The following DIAPH2 variants were observed in gnomAD, a reference collection of about 807,000 sequenced individuals.
DIAPH2 encodes the protein diaphanous related formin 2.
DIAPH2 carries 35 observed loss-of-function variants against 92.7 expected under a neutral mutation model. That is an observed-to-expected ratio of 0.38 (90% CI 0.29 to 0.50). The LOEUF (loss-of-function observed/expected upper bound fraction) is 0.50. Among genes scored for constraint, DIAPH2 ranks in the 20% least tolerant of loss-of-function variants. The probability of loss-of-function intolerance (pLI) is 0.94; values close to 1 mark genes in which losing one functional copy is unlikely to be tolerated. For synonymous variants in DIAPH2, 301 were observed against 280.4 expected (o/e 1.07, Z -0.73); for missense variants, 701 against 819.5 (o/e 0.86, Z 1.77).
At chrX:97,446,518 T>C (rs994163027) in intron 26 of DIAPH2, among the ~76,000 whole-genome samples, 1 of 112,083 alleles carries the variant, frequency 8.9e-6, no homozygotes, top group African/African-American at 3.2e-5. Context: ...TTTAAAGCAC[T>C]TTCCTTATAA....
intron 26 of DIAPH2, among the ~76,000 whole-genome samples, chrX:97,481,076 T>G (rs946947811): frequency 3.6e-5 from 4 of 112,106 alleles, no homozygotes; most frequent in African/African-American, 1.3e-4. Context: ...AAGGCTTCGT[T>G]GAATTCCCCA....
At chrX:97,540,043 AT>A (rs1366214449) in intron 26 of DIAPH2, among the ~76,000 whole-genome samples, 1 of 111,986 alleles carries the variant, frequency 8.9e-6, no homozygotes, top group Non-Finnish European at 1.9e-5. Flanking sequence ...TTCCAGAAGC[AT>A]TAATTTAAGT....
intron 4 of DIAPH2, among the ~76,000 whole-genome samples, chrX:96,802,929 T>A (rs977692478): frequency 9.0e-6 from 1 of 111,625 alleles, no homozygotes; most frequent in Non-Finnish European, 1.9e-5. Context: ...GCTGAAGAGC[T>A]TGGAGTCTTA....
chrX:96,733,463 T>TG (rs2064068465), intron 1 of DIAPH2, among the ~76,000 whole-genome samples: 2 of 110,852 alleles, frequency 1.8e-5, no homozygotes, highest in Non-Finnish European at 3.8e-5. Context: ...TGACTGGAGC[T>TG]GGGGGAATGA....
At chrX:97,207,328 C>T (rs1317191734) in intron 22 of DIAPH2, among the ~76,000 whole-genome samples, 3 of 111,702 alleles carry the variant, frequency 2.7e-5, no homozygotes, top group Non-Finnish European at 5.6e-5. Context: ...ATTGAAAGTA[C>T]TCATTCAGCA....
At chrX:96,895,325 G>A (rs888160440) in intron 5 of DIAPH2, among the ~76,000 whole-genome samples, 3 of 111,266 alleles carry the variant, frequency 2.7e-5, no homozygotes, top group Admixed American at 9.6e-5. Flanking sequence ...TTTAAAATAC[G>A]TGACTGGAAA....
intron 4 of DIAPH2, among the ~76,000 whole-genome samples, chrX:96,782,047 A>G (rs1430424630): frequency 8.9e-6 from 1 of 112,418 alleles, no homozygotes; most frequent in Non-Finnish European, 1.9e-5. Flanking sequence ...TGTGACTTTT[A>G]TACTAGTATT....
chrX:97,063,674 T>C (rs2066615665), intron 17 of DIAPH2, among the ~76,000 whole-genome samples: 1 of 112,012 alleles, frequency 8.9e-6, no homozygotes, highest in Non-Finnish European at 1.9e-5. Flanking sequence ...AAACAGAATG[T>C]CAACAATTAT....
intron 15 of DIAPH2, among the ~76,000 whole-genome samples, chrX:96,955,452 CA>C (rs777830317): frequency 5.4e-5 from 6 of 111,520 alleles, no homozygotes; most frequent in Non-Finnish European, 1.1e-4. Context: ...CTCATGTCCT[CA>C]CATTTCAAAA....
intron 5 of DIAPH2, among the ~76,000 whole-genome samples, chrX:96,883,459 C>T (rs3138316): frequency 9.2e-5 from 10 of 108,446 alleles, no homozygotes; most frequent in Non-Finnish European, 1.7e-4. Context: ...CGGTTCACTG[C>T]AACCTCTGCC....
chrX:96,703,020 C>T lies in DIAPH2; in HGVS notation c.132+17830C>T, dbSNP rs193109873. The stretch of plus-strand genomic sequence containing the variant: ...GGTATACATTTTAGGGGGAAACAGA[C>T]ATTCAGTCCATGACAACGCATAACT... On this transcript the variant is annotated intron_variant, in intron 1 of 26. Transcript: ENST00000324765. Among the ~76,000 whole-genome samples, 293 of 111,658 alleles carry T rather than the reference C, an allele frequency of 2.6e-3. 2 individuals carry two copies. Among genetic ancestry groups the T allele is most frequent in the African/African-American group, 8.9e-3 (274 of 30,738 alleles).
At chrX:97,032,092 G>A (rs1222101640) in intron 17 of DIAPH2, among the ~76,000 whole-genome samples, 1 of 111,464 alleles carries the variant, frequency 9.0e-6, no homozygotes, top group Admixed American at 9.6e-5. Context: ...GTATTTAGGA[G>A]TTTAGATTTT....
intron 23 of DIAPH2, among the ~76,000 whole-genome samples, chrX:97,291,267 A>G (rs1372713606): frequency 5.4e-5 from 6 of 110,506 alleles, no homozygotes; most frequent in Non-Finnish European, 3.8e-5. Flanking sequence ...GCACGTGCCC[A>G]TAATCCCAGC....
intron 4 of DIAPH2, among the ~76,000 whole-genome samples, chrX:96,855,460 A>G (rs1455181372): frequency 9.0e-6 from 1 of 110,531 alleles, no homozygotes; most frequent in Non-Finnish European, 1.9e-5. Flanking sequence ...ATTCATATAT[A>G]TTATTACAAT....
intron 22 of DIAPH2, among the ~76,000 whole-genome samples, chrX:97,220,448 G>A (rs1385909812): frequency 9.0e-6 from 1 of 110,913 alleles, no homozygotes; most frequent in African/African-American, 3.3e-5. Flanking sequence ...AGCAAAGAGA[G>A]CAACAATTTG....
intron 4 of DIAPH2, among the ~76,000 whole-genome samples, chrX:96,765,341 G>T (rs1464204362): frequency 2.8e-5 from 3 of 108,827 alleles, no homozygotes; most frequent in African/African-American, 1.0e-4. Flanking sequence ...GGGACTACAG[G>T]TGTGCACCAC....
chrX:97,050,710 A>G (rs1033400511), intron 17 of DIAPH2, among the ~76,000 whole-genome samples: 1 of 110,818 alleles, frequency 9.0e-6, no homozygotes, highest in African/African-American at 3.3e-5. Context: ...CCTATTTAAT[A>G]TGTCCATCTG....
chrX:97,149,192 T>C (rs1468809361), intron 22 of DIAPH2, among the ~76,000 whole-genome samples: 1 of 111,998 alleles, frequency 8.9e-6, no homozygotes, highest in East Asian at 2.8e-4. Context: ...CTTTTACTTA[T>C]AGTGACTTAT....
At chrX:96,881,437 A>G (rs922282275) in intron 4 of DIAPH2, 142 bp from the exon 5 acceptor site, 4 of 468,124 alleles carry the variant, frequency 8.5e-6, no homozygotes, top group Non-Finnish European at 1.0e-5. Flanking sequence ...CAATTTTACT[A>G]TATCAATTCT....
Sources: gnomAD v4.1 joint callset for allele counts (sites outside exome capture counted in the v4.1 genomes callset) on GRCh38, gnomAD v4.1.1 for gene constraint, MANE v1.5 for transcripts, NCBI Gene and HGNC (gene_info 2026-07-23, HGNC 2026-07-21) for gene names.